IQANK1: variants seen among roughly 807,000 people sequenced by gnomAD.
IQANK1 encodes the protein IQ motif and ankyrin repeat domain-containing protein 1.
A neutral mutation model predicts 22.6 loss-of-function variants in IQANK1; 30 were observed. The ratio of observed to expected loss-of-function variants is 1.33; its 90% confidence interval spans 0.99 to 1.80. The LOEUF (loss-of-function observed/expected upper bound fraction) is 1.80. IQANK1 is among the 40% of genes most tolerant of loss of function. The pLI, the probability that IQANK1 is intolerant of heterozygous loss-of-function variation, is 0.00. For synonymous variants in IQANK1, 122 were observed against 99.6 expected (o/e 1.23, Z -1.34); for missense variants, 275 against 235.2 (o/e 1.17, Z -1.11).
At chr8:143,749,274 T>G (rs1328604255) in intron 3 of IQANK1, among the ~76,000 whole-genome samples, 4 of 123,410 alleles carry the variant, frequency 3.2e-5, no homozygotes, top group African/African-American at 1.3e-4. Context: ...AATGTATATA[T>G]AAATATATAT....
chr8:143,782,848 C>T (rs1819821831), intron 7 of IQANK1, among the ~76,000 whole-genome samples: 1 of 152,212 alleles, frequency 6.6e-6, no homozygotes. Context: ...CTTACTCATT[C>T]ATCCATTCAT....
intron 3 of IQANK1, among the ~76,000 whole-genome samples, chr8:143,751,584 C>T (rs1380024576): frequency 6.8e-6 from 1 of 145,988 alleles, no homozygotes; most frequent in Admixed American, 6.9e-5. Flanking sequence ...TTCACTCCAG[C>T]CTGGGCAACA....
chr8:143,752,620 A>G (rs886904843), intron 3 of IQANK1, among the ~76,000 whole-genome samples: 8 of 152,344 alleles, frequency 5.3e-5, no homozygotes, highest in African/African-American at 1.4e-4. Context: ...CTCAAAGATT[A>G]TAATACTGTA....
intron 3 of IQANK1, among the ~76,000 whole-genome samples, chr8:143,747,733 G>T (rs550253584): frequency 6.6e-6 from 1 of 152,010 alleles, no homozygotes; most frequent in African/African-American, 2.4e-5. Context: ...ATCCCACTGT[G>T]GTCAGAGAAG....
intron 7 of IQANK1, among the ~76,000 whole-genome samples, chr8:143,787,156 G>T (rs868930095): frequency 1.5e-5 from 2 of 131,312 alleles, no homozygotes; most frequent in Middle Eastern, 4.0e-3. Flanking sequence ...GTTCAGTTTT[G>T]CAGGGTATTC....
chr8:143,750,966 G>GTTTC (rs1554627962), intron 3 of IQANK1, among the ~76,000 whole-genome samples: 1 of 150,596 alleles, frequency 6.6e-6, no homozygotes, highest in Non-Finnish European at 1.5e-5. Context: ...GTGTGTGTGT[G>GTTTC]TTTTTTTGTA....
intron 7 of IQANK1, among the ~76,000 whole-genome samples, chr8:143,773,370 T>G (rs570194973): frequency 6.7e-6 from 1 of 149,932 alleles, no homozygotes; most frequent in Non-Finnish European, 1.5e-5. Flanking sequence ...GGAGACACAA[T>G]GCCTGGACTT....
At chr8:143,740,553 C>T (rs1818880595) in intron 3 of IQANK1, among the ~76,000 whole-genome samples, 1 of 152,254 alleles carries the variant, frequency 6.6e-6, no homozygotes, top group South Asian at 2.1e-4. Context: ...CCTGCTTCTG[C>T]GCTGGTGCCG....
At chr8:143,786,763 G>A (rs1247745407) in intron 7 of IQANK1, among the ~76,000 whole-genome samples, 8 of 152,196 alleles carry the variant, frequency 5.3e-5, no homozygotes, top group African/African-American at 1.7e-4. Flanking sequence ...GGCCAAGGTG[G>A]GGTTTGCTGA....
At chr8:143,766,756 TTCCAAC>T (rs1400377157) in intron 3 of IQANK1, among the ~76,000 whole-genome samples, 1 of 152,228 alleles carries the variant, frequency 6.6e-6, no homozygotes, top group African/African-American at 2.4e-5. Context: ...AAATAAATCT[TTCCAAC>T]TCCAAGTTCC....
At chr8:143,741,549 T>C (rs1463969868) in intron 3 of IQANK1, among the ~76,000 whole-genome samples, 4 of 152,138 alleles carry the variant, frequency 2.6e-5, no homozygotes, top group East Asian at 1.9e-4. Flanking sequence ...CACATGTGCC[T>C]GGGAGTCTAT....
chr8:143,788,597 A>C (rs1354226490), intron 7 of IQANK1, among the ~76,000 whole-genome samples: 2 of 152,214 alleles, frequency 1.3e-5, no homozygotes, highest in African/African-American at 2.4e-5. Context: ...AGTCTGACAG[A>C]GGCGGGAAGC....
At chr8:143,753,243 G>A (rs562223759) in intron 3 of IQANK1, among the ~76,000 whole-genome samples, 2 of 151,936 alleles carry the variant, frequency 1.3e-5, no homozygotes, top group South Asian at 4.2e-4. Flanking sequence ...TCAACTCCTG[G>A]GGTCAAGTGG....
Position 143,790,194 on chromosome 8 carries a change from T to C in IQANK1, c.1347T>C (p.Asp449=). The change falls in exon 13 of 14, where the codon GAT becomes GAC. Residue 449 remains aspartate (D), a synonymous_variant. Transcript: ENST00000527139. Reference sequence around the variant, plus strand: ...CGGCCACCTTCCTGCGCTACCAGGATACCAACTATGTGGACACGGTGAACC... The same window carrying C: ...CGGCCACCTTCCTGCGCTACCAGGACACCAACTATGTGGACACGGTGAACC... ...GQAATFLRYQ[D]TNYVDTVNPE... The C allele has an allele frequency of 8.1e-7, 1 of 1,232,124 alleles. No homozygotes were observed. Among genetic ancestry groups the C allele is most frequent in the Non-Finnish European group, 1.0e-6 (1 of 988,018 alleles). The allele number at this position is 1,232,124 out of a possible 1,614,324, so 76.3% of individuals were successfully genotyped here.
At position 143,789,473 on chromosome 8, in the gene IQANK1, C is replaced by CA; in HGVS notation, c.1032dup (p.Glu345ArgfsTer6). The CA allele has an allele frequency of 8.1e-7, 1 of 1,232,238 alleles. No individual in the cohort carries two copies. The highest frequency in any genetic ancestry group is 1.0e-6 in the Non-Finnish European group (1 of 988,164). The allele number at this position is 1,232,238 out of a possible 1,614,324, so 76.3% of individuals were successfully genotyped here. On this transcript the variant is annotated frameshift_variant, in exon 10 of 14. Coordinates refer to ENST00000527139, the MANE Select transcript of IQANK1 (RefSeq NM_001381874.1). LOFTEE classifies it high-confidence loss of function. ...TACTGTGAGCTTAGCCGGAGGATCT[C>CA]AGAGCACGACCAGTGTGAGTGGAGG...
chr8:143,748,830 TTCATATATAAATATATAAATATATATA>T (rs1178384552), intron 3 of IQANK1, among the ~76,000 whole-genome samples: 4 of 84,004 alleles, frequency 4.8e-5, no homozygotes, highest in Non-Finnish European at 8.3e-5. Flanking sequence ...AAATATATAT[TTCATATATAAATATATAAATATATATA>T]TCATATATAA....
At chr8:143,784,064 C>G (rs1819843559) in intron 7 of IQANK1, among the ~76,000 whole-genome samples, 1 of 152,146 alleles carries the variant, frequency 6.6e-6, no homozygotes, top group African/African-American at 2.4e-5. Context: ...CAGTCATTAC[C>G]TCTGTTTCTG....
intron 3 of IQANK1, among the ~76,000 whole-genome samples, chr8:143,755,342 A>G (rs1272448656): frequency 2.0e-5 from 3 of 152,160 alleles, no homozygotes; most frequent in African/African-American, 7.2e-5. Flanking sequence ...GTATGTTACC[A>G]TGATGTGGAA....
chr8:143,737,897 C>T (rs1419422204), intron 2 of IQANK1, among the ~76,000 whole-genome samples: 3 of 152,226 alleles, frequency 2.0e-5, no homozygotes, highest in African/African-American at 4.8e-5. Context: ...CTCATGGAGC[C>T]TCAGCAGTTC....
Sources: gnomAD v4.1 joint callset for allele counts (sites outside exome capture counted in the v4.1 genomes callset) on GRCh38, gnomAD v4.1.1 for gene constraint, MANE v1.5 for transcripts, NCBI Gene and HGNC (gene_info 2026-07-23, HGNC 2026-07-21) for gene names.